The following HOMER1 variants were observed in gnomAD, a reference collection of about 807,000 sequenced individuals.
HOMER1 encodes homer scaffold protein 1, also known as homer protein homolog 1.
In HOMER1, 3 loss-of-function variants were observed where a neutral mutation model predicts 48.9. The observed-to-expected ratio is 0.06, with a 90% CI of 0.03 to 0.16. HOMER1 has a LOEUF of 0.16. HOMER1 is among the 10% of genes least tolerant of loss of function. The pLI is 1.00. For missense variants in HOMER1, 247 were observed against 411.4 expected, an observed-to-expected ratio of 0.60 and a Z score of 3.46; for synonymous variants, 134 against 146.4, an observed-to-expected ratio of 0.92 and a Z score of 0.61.
At chr5:79,416,774 G>T (rs548576868) in intron 5 of HOMER1, among the ~76,000 whole-genome samples, 2 of 152,118 alleles carry the variant, frequency 1.3e-5, no homozygotes, top group African/African-American at 4.8e-5. Context: ...CTCGCTGCTG[G>T]TTTCTACCCA....
At chr5:79,447,019 G>T (rs749743615) in intron 4 of HOMER1, 34 bp downstream of exon 4, 17 of 1,217,778 alleles carry the variant, frequency 1.4e-5, no homozygotes, top group Middle Eastern at 1.9e-4. Context: ...AAATGAACAA[G>T]GTTCATAATT....
chr5:79,501,096 C>A lies in HOMER1; in HGVS notation c.5+11674G>T, dbSNP rs187181428. 5.3e-5 allele frequency among the ~76,000 whole-genome samples: 8 copies of A among 151,874 alleles called. No individual in the cohort carries two copies. The East Asian group carries it at 1.4e-3, about 26-fold the overall frequency. The stretch of plus-strand genomic sequence containing the variant: ...AGCCATCCTCCCACCTTGGCCTCCC[C>A]AGTAGCTGGGACTACAGATGTGTAC... On this transcript the variant is annotated intron_variant, in intron 1 of 8. Coordinates refer to ENST00000334082, the MANE Select transcript of HOMER1 (RefSeq NM_004272.5).
chr5:79,376,645 G>A (rs538056140), intron 8 of HOMER1, among the ~76,000 whole-genome samples: 18 of 152,262 alleles, frequency 1.2e-4, no homozygotes, highest in African/African-American at 4.1e-4. Context: ...GAAAGATTTA[G>A]ACAAGAAAGT....
chr5:79,406,577 A>G (rs1209243461), intron 5 of HOMER1, among the ~76,000 whole-genome samples: 1 of 152,204 alleles, frequency 6.6e-6, no homozygotes. Flanking sequence ...TCCATTTGGG[A>G]AATTCACAAA....
chr5:79,438,497 A>T (rs1398683075), intron 5 of HOMER1, among the ~76,000 whole-genome samples: 1 of 152,226 alleles, frequency 6.6e-6, no homozygotes, highest in Non-Finnish European at 1.5e-5. Context: ...TCTGCCATTA[A>T]CATTAACAAA....
chr5:79,486,544 T>C (rs775915839), intron 1 of HOMER1, among the ~76,000 whole-genome samples: 4 of 152,222 alleles, frequency 2.6e-5, no homozygotes, highest in African/African-American at 4.8e-5. Flanking sequence ...AATATTGCTA[T>C]TGATATGTGT....
chr5:79,447,010 A>C (rs561799816), intron 4 of HOMER1, 43 bp downstream of exon 4: 3 of 1,171,600 alleles, frequency 2.6e-6, no homozygotes, highest in East Asian at 2.3e-5. Flanking sequence ...TATTATCTGA[A>C]ATGAACAAGG....
intron 5 of HOMER1, among the ~76,000 whole-genome samples, chr5:79,402,827 T>C (rs576295682): frequency 2.0e-5 from 3 of 152,354 alleles, no homozygotes; most frequent in African/African-American, 4.8e-5. Context: ...AGTATTTCTT[T>C]TGAAATTGTT....
intron 1 of HOMER1, among the ~76,000 whole-genome samples, chr5:79,481,917 G>T (rs1447748349): frequency 2.0e-5 from 3 of 152,078 alleles, no homozygotes; most frequent in Non-Finnish European, 4.4e-5. Flanking sequence ...CAAAGCTCAA[G>T]AATATTTAAA....
intron 1 of HOMER1, among the ~76,000 whole-genome samples, chr5:79,498,173 G>A (rs1027492114): frequency 6.6e-6 from 1 of 152,152 alleles, no homozygotes; most frequent in African/African-American, 2.4e-5. Context: ...GGCTGAGGAG[G>A]GCGGATCACC....
chr5:79,460,296 A>T (rs907741799), intron 1 of HOMER1, among the ~76,000 whole-genome samples: 4 of 152,146 alleles, frequency 2.6e-5, no homozygotes, highest in African/African-American at 9.7e-5. Context: ...ACAAAACCAA[A>T]ATTAGTCTGG....
At chr5:79,481,553 G>A (rs1055030933) in intron 1 of HOMER1, among the ~76,000 whole-genome samples, 1 of 152,198 alleles carries the variant, frequency 6.6e-6, no homozygotes, top group African/African-American at 2.4e-5. Context: ...CTGAACACAG[G>A]TGAGCTGCAC....
chr5:79,377,003 T>C (rs1748788602), intron 8 of HOMER1, among the ~76,000 whole-genome samples: 1 of 152,170 alleles, frequency 6.6e-6, no homozygotes, highest in Non-Finnish European at 1.5e-5. Context: ...TCTCACTCTG[T>C]CCCCCAGGAT....
At chr5:79,478,925 C>T (rs1439910294) in intron 1 of HOMER1, among the ~76,000 whole-genome samples, 1 of 151,954 alleles carries the variant, frequency 6.6e-6, no homozygotes, top group Non-Finnish European at 1.5e-5. Flanking sequence ...GCACTCCAGC[C>T]TGGGTGACAA....
rs900336393 is a variant in HOMER1 at position 79,514,101 on chromosome 5, C to G, written c.-1327G>C. Reference sequence around the variant, plus strand: ...AAGAGGGTGCTGCTTTCCCGGTCAGCGCCGCCGGCGTGAAGCTAGCGCGGC... The same window carrying G: ...AAGAGGGTGCTGCTTTCCCGGTCAGGGCCGCCGGCGTGAAGCTAGCGCGGC... On this transcript the variant is annotated 5_prime_UTR_variant, in exon 1 of 9. Coordinates refer to ENST00000334082, the MANE Select transcript of HOMER1 (RefSeq NM_004272.5). 6.6e-6 allele frequency: 1 copy of G among 152,158 alleles called. No homozygotes were observed. Among genetic ancestry groups the G allele is most frequent in the Non-Finnish European group, 1.5e-5 (1 of 68,048 alleles). The allele number at this position is 152,158 out of a possible 1,614,324, so 9.4% of individuals were successfully genotyped here. A position where few individuals can be genotyped will look rare whatever the true frequency, so the allele number is the denominator to read the frequency against.
chr5:79,415,932 CT>C (rs1189114015), intron 5 of HOMER1, among the ~76,000 whole-genome samples: 5 of 152,094 alleles, frequency 3.3e-5, no homozygotes, highest in Non-Finnish European at 7.4e-5. Context: ...GTTTTCTCAT[CT>C]ATAAAATTAG....
At chr5:79,463,976 T>A (rs149111766) in intron 1 of HOMER1, among the ~76,000 whole-genome samples, 2 of 152,194 alleles carry the variant, frequency 1.3e-5, no homozygotes, top group East Asian at 3.8e-4. Flanking sequence ...AAATAAAAAT[T>A]ACATTTTTTA....
rs577414587 is a variant in HOMER1 at position 79,506,423 on chromosome 5, C to G, written c.5+6347G>C. On this transcript the variant is annotated intron_variant, in intron 1 of 8. Transcript: ENST00000334082. The stretch of plus-strand genomic sequence containing the variant: ...ACAAATGTGTTACACTCAGGACAGA[C>G]GGAAAAAGGAGTATCAAAAGGTATG... 3.3e-5 allele frequency among the ~76,000 whole-genome samples: 5 copies of G among 151,764 alleles called. No homozygotes were observed. The East Asian group carries it at 7.7e-4, about 24-fold the overall frequency.
At position 79,393,750 on chromosome 5, in the gene HOMER1, A is replaced by G. The variant is rs563868378; in HGVS notation, c.876+3073T>C. 2.6e-5 allele frequency among the ~76,000 whole-genome samples: 4 copies of G among 152,356 alleles called. No individual in the cohort carries two copies. The South Asian group carries it at 6.2e-4, about 24-fold the overall frequency. Reference sequence around the variant, plus strand: ...GGTTGTAATATTATTTATTTATAGCATAACACTGGAAACAACATAAACTGC... The same window carrying G: ...GGTTGTAATATTATTTATTTATAGCGTAACACTGGAAACAACATAAACTGC... On this transcript the variant is annotated intron_variant, in intron 8 of 8. Transcript: ENST00000334082.
Sources: allele counts gnomAD v4.1 joint callset (sites outside exome capture counted in the v4.1 genomes callset), GRCh38; gene constraint gnomAD v4.1.1; transcripts MANE v1.5; gene names NCBI Gene and HGNC (gene_info 2026-07-23, HGNC 2026-07-21).